Variants in KIAA1549 observed in about 807,000 individuals in gnomAD.
KIAA1549 encodes the protein KIAA1549.
KIAA1549 carries 70 observed loss-of-function variants against 156.4 expected under a neutral mutation model. The ratio of observed to expected loss-of-function variants is 0.45; its 90% confidence interval spans 0.37 to 0.55. The LOEUF (loss-of-function observed/expected upper bound fraction) is 0.55. Among genes scored for constraint, KIAA1549 ranks in the 20% least tolerant of loss-of-function variants. The pLI is 0.00. For missense variants in KIAA1549, 2,428 were observed against 2,540.9 expected (o/e 0.96, Z 0.96); for synonymous variants, 1,103 against 1,066.4 (o/e 1.03, Z -0.67).
At chr7:138,838,850 A>C (rs1287508470) in intron 19 of KIAA1549, among the ~76,000 whole-genome samples, 2 of 152,126 alleles carry the variant, frequency 1.3e-5, no homozygotes, top group Non-Finnish European at 2.9e-5. Flanking sequence ...CAGTGTTCCA[A>C]AGTGGATGTG....
intron 17 of KIAA1549, among the ~76,000 whole-genome samples, chr7:138,845,026 G>A (rs1418702857): frequency 6.6e-6 from 1 of 152,104 alleles, no homozygotes; most frequent in Admixed American, 6.6e-5. Flanking sequence ...TTCTAAAGCA[G>A]CGGATCGCAA....
In KIAA1549 at chr7:138,917,876, T is replaced by C; in HGVS notation, c.1750A>G (p.Arg584Gly). 1 of 1,605,172 alleles carries C rather than the reference T, an allele frequency of 6.2e-7. No individual in the cohort carries two copies. Among genetic ancestry groups the C allele is most frequent in the Non-Finnish European group, 8.5e-7 (1 of 1,175,930 alleles). ...TAAGGCGTAAAAACACTCGGGTCTCTGACGGCAAGCGACGGTGTGTTTTTG... is the reference window on the plus strand; with the variant it reads ...TAAGGCGTAAAAACACTCGGGTCTCCGACGGCAAGCGACGGTGTGTTTTTG... ...ANKNTPSLAV[R>G]DPSVFTPYSL... The change falls in exon 2 of 20, where the codon AGA becomes GGA. Residue 584 changes from arginine (R) to glycine (G), a missense_variant. Arg to Gly is a moderately radical substitution (Grantham distance 125, BLOSUM62 -2). Transcript: ENST00000422774.
At chr7:138,874,811 C>T (rs2130392328) in intron 12 of KIAA1549, among the ~76,000 whole-genome samples, 1 of 152,146 alleles carries the variant, frequency 6.6e-6, no homozygotes, top group African/African-American at 2.4e-5. Context: ...CTAGACCAGC[C>T]TAGGCAACAT....
chr7:138,838,189 T>A (rs369155306), intron 19 of KIAA1549, 29 bp from the exon 20 acceptor site: 386 of 1,446,858 alleles, frequency 2.7e-4, no homozygotes, highest in Non-Finnish European at 3.2e-4. Context: ...GTCACTGTAC[T>A]TCCTACGAAG....
At chr7:138,890,657 C>T (rs1366500808) in intron 10 of KIAA1549, among the ~76,000 whole-genome samples, 1 of 152,180 alleles carries the variant, frequency 6.6e-6, no homozygotes, top group Non-Finnish European at 1.5e-5. Context: ...GTGTGACAGG[C>T]GACCTTTGCA....
At position 138,832,488 on chromosome 7, in the gene KIAA1549, C is replaced by T. The variant is rs1427261346; in HGVS notation, c.*5418G>A. 1 of 196,412 alleles carries T rather than the reference C, an allele frequency of 5.1e-6. No homozygotes were observed. Among genetic ancestry groups the T allele is most frequent in the East Asian group, 7.9e-5 (1 of 12,652 alleles). The allele number at this position is 196,412 out of a possible 1,614,324, so 12.2% of individuals were successfully genotyped here. A position where few individuals can be genotyped will look rare whatever the true frequency, so the allele number is the denominator to read the frequency against. The stretch of plus-strand genomic sequence containing the variant: ...CGTTGAGATTAGAGGCTTGAGCCAC[C>T]ATGCCCAGCCTATTCACTCTTTCTT... On this transcript the variant is annotated 3_prime_UTR_variant, in exon 20 of 20. Coordinates refer to ENST00000422774, the MANE Select transcript of KIAA1549 (RefSeq NM_001164665.2).
intron 8 of KIAA1549, 38 bp downstream of exon 8, chr7:138,903,550 C>CCT (rs770175564): frequency 1.8e-5 from 29 of 1,598,040 alleles, no homozygotes; most frequent in Non-Finnish European, 1.9e-5. Flanking sequence ...TGTCTCTCTC[C>CCT]CTCTCTCTCC....
rs753587987 is a variant in KIAA1549 at position 138,894,495 on chromosome 7, T to C, written c.3879A>G (p.Glu1293=). The change falls in exon 10 of 20, where the codon GAA becomes GAG. Residue 1293 remains glutamate, a synonymous_variant. Transcript: ENST00000422774. ...TGACCCACAAGTTGTTGCTCTGGGA[T>C]TCCGGAGACGGCCTCTTCACCCTGT... ...PVDRVKRPSP[E]SQSNNLWVIV... 6.2e-7 allele frequency: 1 copy of C among 1,614,018 alleles called. No homozygotes were observed. The highest frequency in any genetic ancestry group is 8.5e-7 in the Non-Finnish European group (1 of 1,179,894).
At chr7:138,855,381 T>C (rs1362094213) in intron 16 of KIAA1549, among the ~76,000 whole-genome samples, 1 of 152,208 alleles carries the variant, frequency 6.6e-6, no homozygotes, top group African/African-American at 2.4e-5. Flanking sequence ...GTGTTCAGCA[T>C]CAGAACTGCT....
intron 1 of KIAA1549, among the ~76,000 whole-genome samples, chr7:138,927,010 T>C (rs751720803): frequency 2.0e-5 from 3 of 152,216 alleles, no homozygotes; most frequent in Non-Finnish European, 2.9e-5. Context: ...ACTACATGTA[T>C]GTAGCCCTAA....
intron 1 of KIAA1549, among the ~76,000 whole-genome samples, chr7:138,941,034 T>C (rs1163213968): frequency 6.6e-6 from 1 of 152,096 alleles, no homozygotes; most frequent in Non-Finnish European, 1.5e-5. Context: ...ATCCCATTTG[T>C]CAATTTTGGC....
intron 18 of KIAA1549, among the ~76,000 whole-genome samples, chr7:138,841,930 G>A (rs1342443779): frequency 2.0e-5 from 3 of 151,252 alleles, no homozygotes; most frequent in African/African-American, 4.9e-5. Flanking sequence ...GGTTTTATTC[G>A]GATATTTAAT....
chr7:138,880,452 T>A (rs948828730), intron 11 of KIAA1549, among the ~76,000 whole-genome samples: 2 of 152,240 alleles, frequency 1.3e-5, no homozygotes, highest in African/African-American at 4.8e-5. Flanking sequence ...TTTGTAAAGA[T>A]CATGTTCTGA....
At position 138,832,744 on chromosome 7, in the gene KIAA1549, G is replaced by C. The variant is rs1397157481; in HGVS notation, c.*5162C>G. 2 of 220,802 alleles carry C rather than the reference G, an allele frequency of 9.1e-6. No individual in the cohort carries two copies. The highest frequency in any genetic ancestry group is 4.5e-5 in the African/African-American group (2 of 44,598). 13.7% of individuals were successfully genotyped at this position (220,802 alleles called of 1,614,324 possible). A position where few individuals can be genotyped will look rare whatever the true frequency, so the allele number is the denominator to read the frequency against. On this transcript the variant is annotated 3_prime_UTR_variant, in exon 20 of 20. Coordinates refer to ENST00000422774, the MANE Select transcript of KIAA1549 (RefSeq NM_001164665.2). ...TTTAAGATAAATTATCAAGCCTACT[G>C]TCACACACACAAGCATGGACTTAGC... is the stretch of plus-strand genomic sequence containing the variant.
intron 1 of KIAA1549, among the ~76,000 whole-genome samples, chr7:138,972,376 C>G (rs1178219522): frequency 6.8e-6 from 1 of 147,934 alleles, no homozygotes; most frequent in Non-Finnish European, 1.5e-5. Flanking sequence ...CCTCCCCCAC[C>G]TCTCTCTCAA....
intron 12 of KIAA1549, among the ~76,000 whole-genome samples, chr7:138,873,840 G>T (rs1385346242): frequency 6.6e-6 from 1 of 151,556 alleles, no homozygotes; most frequent in Non-Finnish European, 1.5e-5. Context: ...GAAATAAGAG[G>T]TGCAGAAAAT....
intron 10 of KIAA1549, among the ~76,000 whole-genome samples, chr7:138,888,051 A>G (rs1448587089): frequency 6.6e-6 from 1 of 152,202 alleles, no homozygotes; most frequent in African/African-American, 2.4e-5. Context: ...TCTGTGCTTT[A>G]TCTGTCTATG....
intron 4 of KIAA1549, among the ~76,000 whole-genome samples, chr7:138,910,175 G>A (rs1812128124): frequency 6.6e-6 from 1 of 152,082 alleles, no homozygotes. Flanking sequence ...GTACACAGTG[G>A]TCTGTTAAAC....
At chr7:138,873,263 A>G (rs1247467747) in intron 12 of KIAA1549, among the ~76,000 whole-genome samples, 1 of 152,202 alleles carries the variant, frequency 6.6e-6, no homozygotes, top group Non-Finnish European at 1.5e-5. Flanking sequence ...TGTCTGTCTG[A>G]GCCAGAGGAC....
Sources: allele counts gnomAD v4.1 joint callset (sites outside exome capture counted in the v4.1 genomes callset), GRCh38; gene constraint gnomAD v4.1.1; transcripts MANE v1.5; gene names NCBI Gene and HGNC (gene_info 2026-07-23, HGNC 2026-07-21).